TBX20: variants seen among roughly 807,000 people sequenced by gnomAD.
TBX20 encodes the protein T-box transcription factor 20, also known as T-box transcription factor TBX20.
A neutral mutation model predicts 42.9 loss-of-function variants in TBX20; 8 were observed. That is an observed-to-expected ratio of 0.19 (90% CI 0.11 to 0.34). The LOEUF is 0.34. TBX20 is among the 10% of genes least tolerant of loss of function. The pLI is 1.00. For missense variants in TBX20, 411 were observed against 566.0 expected (o/e 0.73, Z 2.78); for synonymous variants, 198 against 222.8 (o/e 0.89, Z 0.99).
chr7:35,208,936 G>A (rs546244604), intron 6 of TBX20, among the ~76,000 whole-genome samples: 2 of 152,028 alleles, frequency 1.3e-5, no homozygotes, highest in South Asian at 4.2e-4. Flanking sequence ...CAAGAATAGA[G>A]GTTGAATTTT....
intron 5 of TBX20, among the ~76,000 whole-genome samples, chr7:35,239,859 C>G (rs1180923750): frequency 6.6e-6 from 1 of 151,982 alleles, no homozygotes; most frequent in Non-Finnish European, 1.5e-5. Context: ...TCAAGCGATT[C>G]TCCTGCCTCA....
At position 35,250,221 on chromosome 7, in the gene TBX20, T is replaced by A. The variant is rs1334590325; in HGVS notation, c.128-18A>T. ...AAATTGCTCTGGAGGTAAAGAGAAT[T>A]GTGAATGACAGCTGACACTGTTCAA... On this transcript the variant is annotated intron_variant, in intron 1 of 7. Coordinates refer to ENST00000408931, the MANE Select transcript of TBX20 (RefSeq NM_001077653.2). 1 of 1,613,718 alleles carries A rather than the reference T, an allele frequency of 6.2e-7. No homozygotes were observed. Among genetic ancestry groups the A allele is most frequent in the Admixed American group, 1.7e-5 (1 of 59,986 alleles).
intron 7 of TBX20, among the ~76,000 whole-genome samples, chr7:35,203,875 A>C (rs1225820833): frequency 6.6e-6 from 1 of 152,206 alleles, no homozygotes; most frequent in Non-Finnish European, 1.5e-5. Context: ...CTGTTCCCAG[A>C]ATGGAGCCCC....
At chr7:35,208,312 A>G (rs916545234) in intron 6 of TBX20, among the ~76,000 whole-genome samples, 1 of 151,974 alleles carries the variant, frequency 6.6e-6, no homozygotes, top group African/African-American at 2.4e-5. Context: ...GGTTTTGGAG[A>G]TTTGGGTTTT....
intron 6 of TBX20, 100 bp from the exon 7 acceptor site, chr7:35,204,682 T>C: frequency 1.1e-6 from 1 of 882,180 alleles, no homozygotes; most frequent in East Asian, 2.6e-5. Flanking sequence ...AACCATTTTC[T>C]CAGCCAAAAA....
intron 6 of TBX20, among the ~76,000 whole-genome samples, chr7:35,206,872 G>C (rs1399346787): frequency 1.3e-5 from 2 of 152,078 alleles, no homozygotes; most frequent in Non-Finnish European, 1.5e-5. Flanking sequence ...AATATTTCTT[G>C]TACTGAGTAG....
At chr7:35,221,161 TAAGA>T (rs201956688) in intron 6 of TBX20, among the ~76,000 whole-genome samples, 4,272 of 151,912 alleles carry the variant, frequency 0.028, 80 homozygotes, top group South Asian at 0.046. Flanking sequence ...TAAAAAATGA[TAAGA>T]AAGACCAATG....
intron 4 of TBX20, among the ~76,000 whole-genome samples, chr7:35,244,584 G>C (rs1790144362): frequency 6.6e-6 from 1 of 152,142 alleles, no homozygotes; most frequent in African/African-American, 2.4e-5. Flanking sequence ...TTTATTATCT[G>C]CTATGCTGCT....
chr7:35,213,324 C>T (rs1789529246), intron 6 of TBX20, among the ~76,000 whole-genome samples: 1 of 152,154 alleles, frequency 6.6e-6, no homozygotes. Flanking sequence ...AATTAAATCA[C>T]AATCTTTGGG....
intron 6 of TBX20, among the ~76,000 whole-genome samples, chr7:35,220,383 GC>G (rs1789659918): frequency 6.6e-6 from 1 of 152,326 alleles, no homozygotes; most frequent in Non-Finnish European, 1.5e-5. Flanking sequence ...CATCACCATG[GC>G]CAGCTCTGGA....
intron 6 of TBX20, among the ~76,000 whole-genome samples, chr7:35,228,556 TA>T (rs1166822927): frequency 1.3e-5 from 2 of 152,104 alleles, no homozygotes; most frequent in Non-Finnish European, 2.9e-5. Context: ...AAAAAATTAA[TA>T]AAAGAAACTT....
chr7:35,231,157 G>A (rs13312294), intron 6 of TBX20, among the ~76,000 whole-genome samples: 4 of 152,174 alleles, frequency 2.6e-5, no homozygotes, highest in Admixed American at 2.0e-4. Flanking sequence ...GAAGGTAAAA[G>A]GCTATCACGG....
intron 5 of TBX20, among the ~76,000 whole-genome samples, chr7:35,237,604 T>C (rs2392359): frequency 0.36 from 55,124 of 151,386 alleles, 10,257 homozygotes; most frequent in Admixed American, 0.46. Context: ...AGAGAAAATT[T>C]GGGGGAAAGC....
chr7:35,206,985 G>A (rs1042422303), intron 6 of TBX20, among the ~76,000 whole-genome samples: 3 of 151,836 alleles, frequency 2.0e-5, no homozygotes, highest in Non-Finnish European at 4.4e-5. Flanking sequence ...ACATATTCAT[G>A]CATACTTTTT....
At chr7:35,227,122 G>A (rs562948168) in intron 6 of TBX20, among the ~76,000 whole-genome samples, 12 of 151,078 alleles carry the variant, frequency 7.9e-5, no homozygotes, top group Middle Eastern at 3.5e-3. Flanking sequence ...AAAAACTTAC[G>A]GAATAAGGAT....
chr7:35,239,651 T>C (rs1296873150), intron 5 of TBX20, among the ~76,000 whole-genome samples: 2 of 152,244 alleles, frequency 1.3e-5, no homozygotes, highest in Admixed American at 1.3e-4. Context: ...GTATGGGAAG[T>C]GTCTATCAGT....
intron 5 of TBX20, 121 bp downstream of exon 5, chr7:35,240,758 T>C (rs1790060234): frequency 4.5e-6 from 4 of 894,322 alleles, no homozygotes; most frequent in Admixed American, 4.1e-5. Context: ...TGAAACTCAA[T>C]AGCTCTCTGC....
intron 4 of TBX20, among the ~76,000 whole-genome samples, chr7:35,244,285 C>T (rs1790138524): frequency 6.6e-6 from 1 of 152,160 alleles, no homozygotes; most frequent in East Asian, 1.9e-4. Context: ...ACTATTTGTT[C>T]TATTAAACTA....
At chr7:35,205,933 T>C (rs1584338598) in intron 6 of TBX20, among the ~76,000 whole-genome samples, 3 of 152,182 alleles carry the variant, frequency 2.0e-5, no homozygotes, top group Admixed American at 6.5e-5. Flanking sequence ...TGTATAGATA[T>C]GGAATAATTT....
Sources: allele counts gnomAD v4.1 joint callset (sites outside exome capture counted in the v4.1 genomes callset), GRCh38; gene constraint gnomAD v4.1.1; transcripts MANE v1.5; gene names NCBI Gene and HGNC (gene_info 2026-07-23, HGNC 2026-07-21).